PARD3: variants seen among roughly 807,000 people sequenced by gnomAD.
PARD3 encodes the protein partitioning defective 3 homolog.
PARD3 carries 75 observed loss-of-function variants against 155.4 expected under a neutral mutation model. That is an observed-to-expected ratio of 0.48 (90% CI 0.40 to 0.58). The LOEUF (loss-of-function observed/expected upper bound fraction) is 0.58. PARD3 is among the 20% of genes least tolerant of loss of function. The pLI, the probability that PARD3 is intolerant of heterozygous loss-of-function variation, is 0.00. For missense variants in PARD3, 1,642 were observed against 1,721.7 expected (o/e 0.95, Z 0.82); for synonymous variants, 576 against 610.5 (o/e 0.94, Z 0.83).
At chr10:34,716,933 T>G (rs973948995) in intron 1 of PARD3, among the ~76,000 whole-genome samples, 1 of 152,122 alleles carries the variant, frequency 6.6e-6, no homozygotes, top group African/African-American at 2.4e-5. Flanking sequence ...ATTCATAAAC[T>G]TTCTCAAAAT....
intron 6 of PARD3, among the ~76,000 whole-genome samples, chr10:34,400,928 T>C (rs1843813441): frequency 6.6e-6 from 1 of 152,140 alleles, no homozygotes; most frequent in Non-Finnish European, 1.5e-5. Context: ...ATAGCATAAC[T>C]TCAATAAACT....
intron 2 of PARD3, among the ~76,000 whole-genome samples, chr10:34,670,349 C>T (rs1337252842): frequency 6.6e-6 from 1 of 152,260 alleles, no homozygotes; most frequent in Non-Finnish European, 1.5e-5. Context: ...AGGTGATCTG[C>T]ACCACTATGC....
At chr10:34,307,425 T>C (rs961211126) in intron 20 of PARD3, among the ~76,000 whole-genome samples, 2 of 152,138 alleles carry the variant, frequency 1.3e-5, no homozygotes, top group Admixed American at 1.3e-4. Context: ...TAGGGGCTGC[T>C]GCCTCTCGAC....
At chr10:34,809,187 CTGA>C (rs1278860955) in intron 1 of PARD3, among the ~76,000 whole-genome samples, 3 of 152,200 alleles carry the variant, frequency 2.0e-5, no homozygotes, top group Non-Finnish European at 2.9e-5. Context: ...TTCACGAGTG[CTGA>C]TGATAGTCCT....
chr10:34,383,129 T>G (rs112960422), intron 8 of PARD3, among the ~76,000 whole-genome samples: 1 of 152,184 alleles, frequency 6.6e-6, no homozygotes, highest in Non-Finnish European at 1.5e-5. Flanking sequence ...TCTCATTCTC[T>G]CAATAAAAAT....
chr10:34,754,655 T>C (rs1445731988), intron 1 of PARD3, among the ~76,000 whole-genome samples: 2 of 152,210 alleles, frequency 1.3e-5, no homozygotes. Flanking sequence ...TTTACTAACA[T>C]GTAAAAATTC....
At chr10:34,779,750 G>A (rs1840034505) in intron 1 of PARD3, among the ~76,000 whole-genome samples, 1 of 152,246 alleles carries the variant, frequency 6.6e-6, no homozygotes. Flanking sequence ...GGCAGTGGAA[G>A]ACATTCATTA....
rs557013727 is a variant in PARD3 at position 34,170,292 on chromosome 10, G to T, written c.3420-38709C>A. 5.9e-5 allele frequency among the ~76,000 whole-genome samples: 9 copies of T among 152,174 alleles called. No homozygotes were observed. The East Asian group carries it at 1.7e-3, about 30-fold the overall frequency. ...TTGTAGAGACCGGTCTTGCTATGCT[G>T]CCCAGGCTGGTCTAGAACTCTGGTG... On this transcript the variant is annotated intron_variant, in intron 22 of 24. Transcript: ENST00000374788.
In PARD3 at chr10:34,345,883, A is replaced by C. The variant is rs908543477; in HGVS notation, c.2218+2082T>G. 8 of 985,236 alleles carry C rather than the reference A, an allele frequency of 8.1e-6. No individual in the cohort carries two copies. The African/African-American group carries it at 1.4e-4, about 17-fold the overall frequency. The allele number at this position is 985,236 out of a possible 1,614,324, so 61.0% of individuals were successfully genotyped here. ...GAATAAGGACTGACAAAAAGTGAGG[A>C]ATTTTCAAATTTGCAAAACACAAGA... On this transcript the variant is annotated intron_variant, in intron 15 of 24. Coordinates refer to ENST00000374788, the MANE Select transcript of PARD3 (RefSeq NM_001184785.2).
chr10:34,589,624 TAAGTAC>T, intron 2 of PARD3, among the ~76,000 whole-genome samples: 1 of 75,718 alleles, frequency 1.3e-5, no homozygotes, highest in South Asian at 4.4e-4. Flanking sequence ...AAAACTAATA[TAAGTAC>T]ATGTCCAAAA....
Position 34,413,975 on chromosome 10 carries a change from T to C in PARD3, c.715-12058A>G, listed in dbSNP as rs1051634592. Among the ~76,000 whole-genome samples the C allele has an allele frequency of 2.0e-5, 3 of 152,034 alleles. No individual in the cohort carries two copies. In the East Asian group the frequency reaches 5.8e-4, roughly 29 times the overall value. On this transcript the variant is annotated intron_variant, in intron 5 of 24. Transcript: ENST00000374788. ...TTAACGATCTCATTTCTTCTGACAG[T>C]AAAAGAAATCCCATCTAGCCCGGGC...
intron 1 of PARD3, among the ~76,000 whole-genome samples, chr10:34,800,240 A>T (rs1842727176): frequency 6.6e-6 from 1 of 152,146 alleles, no homozygotes; most frequent in South Asian, 2.1e-4. Flanking sequence ...TAACATATAC[A>T]CATAAAGCAC....
intron 23 of PARD3, among the ~76,000 whole-genome samples, chr10:34,121,588 A>G (rs1210065222): frequency 6.6e-6 from 1 of 152,254 alleles, no homozygotes. Context: ...AATGGCTCCT[A>G]TGGTTGGCTT....
intron 20 of PARD3, among the ~76,000 whole-genome samples, chr10:34,285,404 C>T (rs749000150): frequency 6.6e-6 from 1 of 151,908 alleles, no homozygotes; most frequent in Admixed American, 6.6e-5. Context: ...AGCGAGACCT[C>T]GTCTCTACTA....
At chr10:34,574,287 C>T (rs1455136208) in intron 2 of PARD3, among the ~76,000 whole-genome samples, 2 of 152,080 alleles carry the variant, frequency 1.3e-5, no homozygotes, top group Non-Finnish European at 2.9e-5. Context: ...TTAATTGTGC[C>T]AATCCTTCCC....
intron 1 of PARD3, among the ~76,000 whole-genome samples, chr10:34,756,503 C>T (rs1429809218): frequency 8.2e-5 from 10 of 122,696 alleles, no homozygotes; most frequent in African/African-American, 3.1e-4. Flanking sequence ...AAAAAAGAGT[C>T]AGCTCTGTTG....
At chr10:34,243,396 G>A (rs1953732738) in intron 22 of PARD3, among the ~76,000 whole-genome samples, 1 of 152,054 alleles carries the variant, frequency 6.6e-6, no homozygotes, top group African/African-American at 2.4e-5. Context: ...TCCATAGATG[G>A]CCCGCAGTTT....
At chr10:34,582,128 G>A (rs2087548166) in intron 2 of PARD3, among the ~76,000 whole-genome samples, 1 of 152,210 alleles carries the variant, frequency 6.6e-6, no homozygotes, top group East Asian at 1.9e-4. Flanking sequence ...CTTAAAAGTT[G>A]TGCTATAAAA....
chr10:34,221,981 A>G (rs1185921785), intron 22 of PARD3, among the ~76,000 whole-genome samples: 1 of 152,252 alleles, frequency 6.6e-6, no homozygotes, highest in Non-Finnish European at 1.5e-5. Context: ...GAATACACTT[A>G]ATGTTACTGA....
Sources: allele counts gnomAD v4.1 joint callset (sites outside exome capture counted in the v4.1 genomes callset), GRCh38; gene constraint gnomAD v4.1.1; transcripts MANE v1.5; gene names NCBI Gene and HGNC (gene_info 2026-07-23, HGNC 2026-07-21).